The following TMEM255A variants were observed in gnomAD, a reference collection of about 807,000 sequenced individuals.
TMEM255A encodes transmembrane protein 255A, also known as family with sequence similarity 70, member A.
TMEM255A carries 14 observed loss-of-function variants against 23.5 expected under a neutral mutation model. The observed-to-expected ratio is 0.60, with a 90% confidence interval of 0.39 to 0.93. The LOEUF (loss-of-function observed/expected upper bound fraction) is 0.93, where lower values mean the gene tolerates loss of function less well. Among genes scored for constraint, TMEM255A ranks in the 40% least tolerant of loss-of-function variants. TMEM255A has a pLI of 0.00. For synonymous variants in TMEM255A, 104 were observed against 100.3 expected, an observed-to-expected ratio of 1.04 and a Z score of -0.22; for missense variants, 233 against 261.7, an observed-to-expected ratio of 0.89 and a Z score of 0.76.
chrX:120,270,706 T>C (rs2057753007), intron 7 of TMEM255A, among the ~76,000 whole-genome samples: 1 of 111,235 alleles, frequency 9.0e-6, no homozygotes, highest in Non-Finnish European at 1.9e-5. Context: ...ACTTTGGAAA[T>C]GGTGGTTCCT....
intron 1 of TMEM255A, among the ~76,000 whole-genome samples, chrX:120,309,377 A>G (rs1233511980): frequency 8.8e-6 from 1 of 113,078 alleles, no homozygotes; most frequent in African/African-American, 3.2e-5. Context: ...CTGGGAGCCC[A>G]AGAAAGAAAG....
rs1230229216 is a variant in TMEM255A, at chrX:120,259,845, T to C, written c.*1025A>G. 3 of 111,949 alleles carry C rather than the reference T, an allele frequency of 2.7e-5. No individual in the cohort carries two copies. The highest frequency in any genetic ancestry group is 5.6e-5 in the Non-Finnish European group (3 of 53,205). The allele number at this position is 111,949 out of a possible 1,213,427, so 9.2% of individuals were successfully genotyped here. On this transcript the variant is annotated 3_prime_UTR_variant, in exon 9 of 9. Transcript: ENST00000371369. Reference sequence around the variant, plus strand: ...GACTTGAAGCGGCATTGTAACACTTTCATAATCTTGAATGCTGTCATGACT... The same window carrying C: ...GACTTGAAGCGGCATTGTAACACTTCCATAATCTTGAATGCTGTCATGACT...
intron 6 of TMEM255A, among the ~76,000 whole-genome samples, chrX:120,280,254 A>G (rs1187241618): frequency 2.7e-5 from 3 of 109,845 alleles, no homozygotes; most frequent in Non-Finnish European, 5.7e-5. Context: ...TCAGGCTCCC[A>G]AAGTCCTGGG....
Position 120,275,308 on chromosome X carries a change from G to A in TMEM255A, c.675+1577C>T, listed in dbSNP as rs1003337542. On this transcript the variant is annotated intron_variant, in intron 7 of 8. Coordinates refer to ENST00000371369, the MANE Select transcript of TMEM255A (RefSeq NM_001104544.3). ...GAGAGGGAGAGAAAGAAGAAAGAGA[G>A]AGTGCAGATGGGCAGGAAAGGATTT... Among the ~76,000 whole-genome samples the A allele has an allele frequency of 9.8e-5, 11 of 111,992 alleles. No individual in the cohort carries two copies. The Admixed American group carries it at 1.0e-3, about 11-fold the overall frequency.
intron 2 of TMEM255A, among the ~76,000 whole-genome samples, chrX:120,294,350 C>A (rs2057939624): frequency 9.6e-6 from 1 of 104,710 alleles, no homozygotes; most frequent in Admixed American, 1.0e-4. Flanking sequence ...AGGAGAATGG[C>A]GTGAACCCGG....
intron 6 of TMEM255A, among the ~76,000 whole-genome samples, chrX:120,279,975 C>T (rs1556020499): frequency 3.2e-5 from 3 of 94,704 alleles, no homozygotes; most frequent in African/African-American, 3.8e-5. Flanking sequence ...TTTTTTCCTT[C>T]CTTCTTTTCT....
chrX:120,276,759 A>C, intron 7 of TMEM255A, 126 bp downstream of exon 7: 1 of 680,029 alleles, frequency 1.5e-6, no homozygotes, highest in South Asian at 3.3e-5. Flanking sequence ...AGGCAGCTAC[A>C]TCCTTGAAGC....
At chrX:120,254,493 G>A (rs782714211), downstream of TMEM255A, 1 of 1,211,731 alleles carries the variant, frequency 8.3e-7, no homozygotes, top group Non-Finnish European at 1.1e-6. Context: ...CCCACAGGCT[G>A]ATACCTCCCA....
rs201251891 is a variant in TMEM255A at position 120,260,967 on chromosome X, G to A, written c.881C>T (p.Ser294Phe). 9.4e-5 allele frequency: 113 copies of A among 1,197,197 alleles called. No individual in the cohort carries two copies. Among genetic ancestry groups the A allele is most frequent in the Non-Finnish European group, 1.2e-4 (108 of 891,144 alleles). The change falls in exon 9 of 9, where the codon TCT becomes TTT. Residue 294 changes from serine (S) to phenylalanine (F), a missense_variant. Physicochemically the swap from Ser to Phe is radical, Grantham distance 155 (BLOSUM62 -2). Coordinates refer to ENST00000371369, the MANE Select transcript of TMEM255A (RefSeq NM_001104544.3). ...SGLSDEPQSA[S>F]PSPSYMWSSS... Reference sequence around the variant, plus strand: ...GGACCACATGTAGCTGGGTGAGGGAGAGGCAGACTGGGGCTCATCAGAAAG... The same window carrying A: ...GGACCACATGTAGCTGGGTGAGGGAAAGGCAGACTGGGGCTCATCAGAAAG...
intron 4 of TMEM255A, among the ~76,000 whole-genome samples, chrX:120,287,688 G>T (rs781862391): frequency 9.0e-6 from 1 of 111,413 alleles, no homozygotes; most frequent in East Asian, 2.8e-4. Context: ...TGTCATTTCC[G>T]CATCATTTTC....
intron 8 of TMEM255A, among the ~76,000 whole-genome samples, chrX:120,261,410 T>C (rs1324753845): frequency 2.7e-5 from 3 of 112,605 alleles, no homozygotes; most frequent in Non-Finnish European, 5.6e-5. Flanking sequence ...AGGTAATTTT[T>C]GGCTTTGAGA....
At chrX:120,281,946 C>T (rs1482615480) in intron 6 of TMEM255A, among the ~76,000 whole-genome samples, 2 of 111,874 alleles carry the variant, frequency 1.8e-5, no homozygotes, top group African/African-American at 3.3e-5. Context: ...CCTGTGGGTT[C>T]GAGGGGACAG....
At chrX:120,289,331 C>T in intron 4 of TMEM255A, among the ~76,000 whole-genome samples, 1 of 111,932 alleles carries the variant, frequency 8.9e-6, no homozygotes, top group Non-Finnish European at 1.9e-5. Flanking sequence ...TACAGAGGGC[C>T]TGGACTCAGA....
rs1556024729 is a variant in TMEM255A, at chrX:120,296,998, ATAATATATAATATTATATATATT to A, written c.202-2970_202-2948del. Among the ~76,000 whole-genome samples, 6 of 4,616 alleles carry A rather than the reference ATAATATATAATATTATATATATT, an allele frequency of 1.3e-3. 1 individual carries two copies. Among genetic ancestry groups the A allele is most frequent in the African/African-American group, 7.1e-3 (6 of 851 alleles). The allele number at this position is 4,616 out of a possible 115,157, so 4.0% of individuals were successfully genotyped here. On this transcript the variant is annotated intron_variant, in intron 2 of 8. Transcript: ENST00000371369. ...TATATATATTATATATATATTATAT[ATAATATATAATATTATATATATT>A]ATATATATATAATATATAATATATA...
intron 2 of TMEM255A, among the ~76,000 whole-genome samples, chrX:120,297,051 A>AT (rs2057994117): frequency 3.4e-4 from 2 of 5,843 alleles, no homozygotes; most frequent in Non-Finnish European, 4.2e-4. Context: ...TATATAATAT[A>AT]ATATATATAA....
intron 2 of TMEM255A, among the ~76,000 whole-genome samples, chrX:120,294,429 G>A (rs1556023663): frequency 1.0e-5 from 1 of 95,401 alleles, no homozygotes; most frequent in African/African-American, 4.2e-5. Flanking sequence ...GCGAGACTCC[G>A]TCTCAAAAAA....
intron 1 of TMEM255A, among the ~76,000 whole-genome samples, chrX:120,308,780 TG>T (rs1374649736): frequency 9.0e-6 from 1 of 111,476 alleles, no homozygotes; most frequent in African/African-American, 3.3e-5. Context: ...TGGGAGGGGA[TG>T]GGGGGACACT....
rs1256565513 is a variant in TMEM255A, at chrX:120,275,271, A to C, written c.675+1614T>G. ...CTGGGGAGGGAAGCTGGGAAGAGAAATGTGCGGATGAGAGAGGGAGAGAAA... is the reference window on the plus strand; with the variant it reads ...CTGGGGAGGGAAGCTGGGAAGAGAACTGTGCGGATGAGAGAGGGAGAGAAA... On this transcript the variant is annotated intron_variant, in intron 7 of 8. Transcript: ENST00000371369. Among the ~76,000 whole-genome samples, 8 of 111,869 alleles carry C rather than the reference A, an allele frequency of 7.2e-5. No homozygotes were observed. The Admixed American group carries it at 7.5e-4, about 11-fold the overall frequency.
chrX:120,283,541 C>A (rs1253794184), intron 6 of TMEM255A, among the ~76,000 whole-genome samples: 1 of 111,119 alleles, frequency 9.0e-6, no homozygotes, highest in Non-Finnish European at 1.9e-5. Context: ...TCTGCAGGTT[C>A]CTCCCCTTAC....
Sources: gnomAD v4.1 joint callset for allele counts (sites outside exome capture counted in the v4.1 genomes callset) on GRCh38, gnomAD v4.1.1 for gene constraint, MANE v1.5 for transcripts, NCBI Gene and HGNC (gene_info 2026-07-23, HGNC 2026-07-21) for gene names.